Variants in ZFYVE28 observed in about 807,000 individuals in gnomAD.
The protein encoded by ZFYVE28 is lateral signaling target protein 2 homolog.
Under a neutral mutation model 82.1 loss-of-function variants are expected in ZFYVE28, and 40 were observed. The observed-to-expected ratio is 0.49, with a 90% CI of 0.38 to 0.63. The LOEUF is 0.63. Among genes scored for constraint, ZFYVE28 ranks in the 30% least tolerant of loss-of-function variants. The pLI, the probability that ZFYVE28 is intolerant of heterozygous loss-of-function variation, is 0.00. For synonymous variants in ZFYVE28, 612 were observed against 546.1 expected, an observed-to-expected ratio of 1.12 and a Z score of -1.68; for missense variants, 1,321 against 1,242.1, an observed-to-expected ratio of 1.06 and a Z score of -0.96.
At chr4:2,299,305 T>C (rs1033224717) in intron 8 of ZFYVE28, among the ~76,000 whole-genome samples, 9 of 152,032 alleles carry the variant, frequency 5.9e-5, no homozygotes, top group Admixed American at 3.9e-4. Flanking sequence ...TACTCCGTTT[T>C]TCCCCCTCAA....
At chr4:2,398,654 TCGAGGGTACGAGGAGGAGCGAGATCCAGG>T in intron 1 of ZFYVE28, among the ~76,000 whole-genome samples, 1 of 127,506 alleles carries the variant, frequency 7.8e-6, no homozygotes, top group African/African-American at 3.1e-5. Context: ...GGGGGCGAGA[TCGAGGGTACGAGGAGGAGCGAGATCCAGG>T]GCACAATGGG....
chr4:2,325,478 T>C (rs1578097273), intron 6 of ZFYVE28, among the ~76,000 whole-genome samples: 1 of 152,150 alleles, frequency 6.6e-6, no homozygotes, highest in African/African-American at 2.4e-5. Flanking sequence ...AACGACTGCA[T>C]ATGATAAAAG....
chr4:2,354,053 A>G lies in ZFYVE28; in HGVS notation c.60T>C (p.Leu20=). 6.4e-7 allele frequency: 1 copy of G among 1,572,836 alleles called. No homozygotes were observed. Among genetic ancestry groups the G allele is most frequent in the Non-Finnish European group, 8.6e-7 (1 of 1,159,296 alleles). ...YKPKRSDPQL[L]ARFYYADEEL... ...CCTCGTCGGCATAGTAGAACCGGGC[A>G]AGCAGCTGCGGATCCGACCTCTGCA... Residue 20 remains leucine (L), a synonymous_variant, in exon 2 of 13, where the codon CTT becomes CTC. Coordinates refer to ENST00000290974, the MANE Select transcript of ZFYVE28 (RefSeq NM_020972.3).
intron 8 of ZFYVE28, among the ~76,000 whole-genome samples, chr4:2,280,158 C>G (rs17132394): frequency 0.095 from 14,474 of 152,196 alleles, 1,348 homozygotes; most frequent in African/African-American, 0.22. Flanking sequence ...GAAACAATCT[C>G]CAGAAGGATG....
At chr4:2,319,368 C>T (rs755735398) in intron 7 of ZFYVE28, among the ~76,000 whole-genome samples, 15 of 152,206 alleles carry the variant, frequency 9.9e-5, no homozygotes, top group Non-Finnish European at 2.1e-4. Flanking sequence ...CCTGCCAAGG[C>T]CCCAAGAGCT....
At chr4:2,343,909 A>C (rs1384341768) in intron 2 of ZFYVE28, among the ~76,000 whole-genome samples, 2 of 152,200 alleles carry the variant, frequency 1.3e-5, no homozygotes, top group African/African-American at 4.8e-5. Context: ...ACAGTGCCTC[A>C]CACACAGTAT....
chr4:2,338,856 G>A (rs928041418), intron 4 of ZFYVE28, among the ~76,000 whole-genome samples: 7 of 152,082 alleles, frequency 4.6e-5, no homozygotes, highest in Non-Finnish European at 7.4e-5. Flanking sequence ...ATGCAGTCTC[G>A]CTCTCTCGCC....
At chr4:2,298,640 G>A (rs1172756675) in intron 8 of ZFYVE28, among the ~76,000 whole-genome samples, 1 of 152,218 alleles carries the variant, frequency 6.6e-6, no homozygotes, top group Non-Finnish European at 1.5e-5. Context: ...CAGAGAGGAT[G>A]CTGAGCACGG....
chr4:2,305,589 T>G, intron 7 of ZFYVE28, 53 bp from the exon 8 acceptor site: 1 of 1,606,718 alleles, frequency 6.2e-7, no homozygotes, highest in Non-Finnish European at 8.5e-7. Context: ...CACACCAGCC[T>G]CCTTGGCCAG....
At chr4:2,376,371 T>TA (rs55652132) in intron 1 of ZFYVE28, among the ~76,000 whole-genome samples, 1,017 of 75,668 alleles carry the variant, frequency 0.013, 31 homozygotes, top group African/African-American at 0.044. Flanking sequence ...ACCCTATCTC[T>TA]AAAAAAAAAA....
chr4:2,387,815 T>G (rs1729430671), intron 1 of ZFYVE28, among the ~76,000 whole-genome samples: 1 of 152,166 alleles, frequency 6.6e-6, no homozygotes, highest in African/African-American at 2.4e-5. Flanking sequence ...CCTTATCACC[T>G]CCAGAAAGAA....
chr4:2,290,394 G>C (rs1422304748), intron 8 of ZFYVE28, among the ~76,000 whole-genome samples: 1 of 152,180 alleles, frequency 6.6e-6, no homozygotes. Flanking sequence ...AGACAGGCAG[G>C]TTGCAGGCCC....
chr4:2,361,258 G>C (rs1051949145), intron 1 of ZFYVE28, among the ~76,000 whole-genome samples: 3 of 114,074 alleles, frequency 2.6e-5, no homozygotes, highest in African/African-American at 1.0e-4. Context: ...AAATATGCAC[G>C]AACAAAGCAG....
rs1015217282 is a variant in ZFYVE28, at chr4:2,372,097, G to A, written c.40-18024C>T. Among the ~76,000 whole-genome samples the A allele has an allele frequency of 1.3e-5, 2 of 152,218 alleles. No homozygotes were observed. Among genetic ancestry groups the A allele is most frequent in the African/African-American group, 4.8e-5 (2 of 41,454 alleles). On this transcript the variant is annotated intron_variant, in intron 1 of 12. Transcript: ENST00000290974. The surrounding 1 kb of genome is among the most constrained non-coding windows in gnomAD (Gnocchi z 5.2). ...GGCGTGCAGCGTGTGGCCGGTTCTGGTGCGCATGGCCCATGTGGACATCTG... is the reference window on the plus strand; with the variant it reads ...GGCGTGCAGCGTGTGGCCGGTTCTGATGCGCATGGCCCATGTGGACATCTG...
chr4:2,336,560 CT>C (rs56796808), intron 5 of ZFYVE28, among the ~76,000 whole-genome samples: 15,847 of 132,374 alleles, frequency 0.12, 934 homozygotes, highest in Non-Finnish European at 0.13. Context: ...TGGCTTCCCC[CT>C]GCCCCCCCCA....
Position 2,327,272 on chromosome 4 carries a change from A to G in ZFYVE28, c.702-7001T>C, listed in dbSNP as rs1485338788. Among the ~76,000 whole-genome samples the G allele has an allele frequency of 8.0e-5, 2 of 24,850 alleles. 1 individual carries two copies. The highest frequency in any genetic ancestry group is 3.3e-4 in the African/African-American group (2 of 6,016). The allele number at this position is 24,850 out of a possible 152,430, so 16.3% of individuals were successfully genotyped here. ...CTCAAATATATATATATATATATAT[A>G]TATATATATATATATATATATATAT... On this transcript the variant is annotated intron_variant, in intron 6 of 12. Coordinates refer to ENST00000290974, the MANE Select transcript of ZFYVE28 (RefSeq NM_020972.3).
In ZFYVE28 at chr4:2,408,890, C is replaced by A. The variant is rs1048030263; in HGVS notation, c.39+9395G>T. ...ATGGTTTGAAGCTCTCAGTTCCCGG[C>A]GGTTTCTAAGTGGACCTTCCCATGC... On this transcript the variant is annotated intron_variant, in intron 1 of 12. Transcript: ENST00000290974. The surrounding 1 kb of genome is among the most constrained non-coding windows in gnomAD (Gnocchi z 4.3). Among the ~76,000 whole-genome samples, 5 of 152,224 alleles carry A rather than the reference C, an allele frequency of 3.3e-5. No homozygotes were observed. The highest frequency in any genetic ancestry group is 9.7e-5 in the African/African-American group (4 of 41,436).
Position 2,354,011 on chromosome 4 carries a change from G to A in ZFYVE28, c.102C>T (p.Ala34=), listed in dbSNP as rs542809889. The A allele has an allele frequency of 1.3e-4, 205 of 1,585,228 alleles. 2 individuals carry two copies. The South Asian group carries it at 1.8e-3, about 14-fold the overall frequency. Residue 34 remains alanine (A), a synonymous_variant, in exon 2 of 13, where the codon GCC becomes GCT. Transcript: ENST00000290974. ...YYADEELNQV[A]AELDSLDGRK... is the part of the protein sequence containing the mutation. The stretch of plus-strand genomic sequence containing the variant: ...GCCCATCCAGGCTGTCCAGCTCCGC[G>A]GCCACCTGGTTCAGCTCCTCGTCGG...
chr4:2,363,820 A>G (rs1726492923), intron 1 of ZFYVE28, among the ~76,000 whole-genome samples: 1 of 152,100 alleles, frequency 6.6e-6, no homozygotes, highest in Non-Finnish European at 1.5e-5. Context: ...TGAAGTCCCC[A>G]CCACCCCAGA....
Sources: allele counts gnomAD v4.1 joint callset (sites outside exome capture counted in the v4.1 genomes callset), GRCh38; gene constraint gnomAD v4.1.1; non-coding constraint Gnocchi (gnomAD v3.1); transcripts MANE v1.5; gene names NCBI Gene and HGNC (gene_info 2026-07-23, HGNC 2026-07-21).